The following TMEM132B variants were observed in gnomAD, a reference collection of about 807,000 sequenced individuals.
The protein encoded by TMEM132B is transmembrane protein 132B.
TMEM132B carries 18 observed loss-of-function variants against 90.8 expected under a neutral mutation model. The observed-to-expected ratio is 0.20, with a 90% confidence interval of 0.14 to 0.29. The LOEUF is 0.29. Among genes scored for constraint, TMEM132B ranks in the 10% least tolerant of loss-of-function variants. The probability of loss-of-function intolerance (pLI) is 1.00; values close to 1 mark genes in which losing one functional copy is unlikely to be tolerated. For synonymous variants in TMEM132B, 504 were observed against 523.3 expected (o/e 0.96, Z 0.50); for missense variants, 1,096 against 1,326.8 (o/e 0.83, Z 2.70).
intron 3 of TMEM132B, among the ~76,000 whole-genome samples, chr12:125,434,569 C>T (rs377173531): frequency 4.6e-5 from 7 of 152,280 alleles, no homozygotes; most frequent in South Asian, 2.1e-4. Flanking sequence ...CCTCAGTGGC[C>T]GCCCTGGCAG....
At chr12:125,327,224 C>T (rs1876610864) in intron 1 of TMEM132B, among the ~76,000 whole-genome samples, 1 of 152,190 alleles carries the variant, frequency 6.6e-6, no homozygotes, top group African/African-American at 2.4e-5. Context: ...CTCTCCTGAG[C>T]TCCAGCATCA....
chr12:125,539,028 TG>T (rs1398078903), intron 4 of TMEM132B, among the ~76,000 whole-genome samples: 1 of 152,184 alleles, frequency 6.6e-6, no homozygotes, highest in African/African-American at 2.4e-5. Context: ...CCTGGCCTCC[TG>T]CCTGGTCTCC....
chr12:125,469,549 G>A (rs1460401385), intron 3 of TMEM132B, among the ~76,000 whole-genome samples: 1 of 152,094 alleles, frequency 6.6e-6, no homozygotes, highest in African/African-American at 2.4e-5. Context: ...TTGATGATGA[G>A]GCCAGTGAGA....
intron 3 of TMEM132B, among the ~76,000 whole-genome samples, chr12:125,461,505 G>C (rs1407237994): frequency 6.6e-6 from 1 of 152,248 alleles, no homozygotes; most frequent in African/African-American, 2.4e-5. Flanking sequence ...AGTTGCTGCA[G>C]AGGGATGTGG....
chr12:125,241,687 C>T (rs1291528819), intron 1 of TMEM132B, among the ~76,000 whole-genome samples: 1 of 152,178 alleles, frequency 6.6e-6, no homozygotes, highest in Non-Finnish European at 1.5e-5. Flanking sequence ...TGGTTTTGGA[C>T]TTCTGGTCTC....
At chr12:125,466,259 C>T (rs1027272865) in intron 3 of TMEM132B, among the ~76,000 whole-genome samples, 1 of 152,158 alleles carries the variant, frequency 6.6e-6, no homozygotes, top group Non-Finnish European at 1.5e-5. Flanking sequence ...CATTCCTTGT[C>T]AGATAGGAGA....
intron 2 of TMEM132B, among the ~76,000 whole-genome samples, chr12:125,355,684 C>T (rs1455633674): frequency 6.6e-6 from 1 of 152,194 alleles, no homozygotes; most frequent in Non-Finnish European, 1.5e-5. Flanking sequence ...CTGTTTTAAT[C>T]ATGTCTCTTA....
chr12:125,592,179 G>A (rs951280621), intron 5 of TMEM132B, among the ~76,000 whole-genome samples: 17 of 152,150 alleles, frequency 1.1e-4, no homozygotes, highest in African/African-American at 3.9e-4. Context: ...ATCTTTATGT[G>A]TCTATCTTTT....
intron 1 of TMEM132B, among the ~76,000 whole-genome samples, chr12:125,192,024 T>C (rs952326171): frequency 3.3e-5 from 5 of 152,206 alleles, no homozygotes; most frequent in African/African-American, 1.2e-4. Context: ...AAGGGCTGAT[T>C]GGGGACACGT....
At chr12:125,576,037 A>G (rs537118696) in intron 4 of TMEM132B, among the ~76,000 whole-genome samples, 6 of 152,222 alleles carry the variant, frequency 3.9e-5, no homozygotes, top group African/African-American at 1.4e-4. Context: ...TTTTGATAGC[A>G]ATTACATTGA....
chr12:125,342,315 G>T (rs1451085986), intron 1 of TMEM132B, among the ~76,000 whole-genome samples: 1 of 152,192 alleles, frequency 6.6e-6, no homozygotes, highest in Admixed American at 6.5e-5. Context: ...CATAGAGCCA[G>T]TTTTCCAGGA....
At chr12:125,470,327 G>A (rs1020915013) in intron 3 of TMEM132B, among the ~76,000 whole-genome samples, 1 of 152,222 alleles carries the variant, frequency 6.6e-6, no homozygotes, top group African/African-American at 2.4e-5. Context: ...GGAAAGACTT[G>A]TCTACTACAG....
At chr12:125,472,311 G>T (rs541095934) in intron 3 of TMEM132B, among the ~76,000 whole-genome samples, 1 of 152,306 alleles carries the variant, frequency 6.6e-6, no homozygotes, top group African/African-American at 2.4e-5. Context: ...CTGACTTCTT[G>T]TTGTGATAAT....
intron 1 of TMEM132B, among the ~76,000 whole-genome samples, chr12:125,283,750 A>G (rs1289542813): frequency 6.6e-6 from 1 of 152,158 alleles, no homozygotes; most frequent in African/African-American, 2.4e-5. Context: ...TTCCACCTCA[A>G]AGGGAGATAA....
At chr12:125,616,349 G>C (rs1885986613) in intron 5 of TMEM132B, among the ~76,000 whole-genome samples, 1 of 152,092 alleles carries the variant, frequency 6.6e-6, no homozygotes, top group Non-Finnish European at 1.5e-5. Flanking sequence ...AAAAATGGAG[G>C]CTTGGACTAT....
chr12:125,475,692 A>C (rs1881856843), intron 3 of TMEM132B, among the ~76,000 whole-genome samples: 1 of 152,198 alleles, frequency 6.6e-6, no homozygotes, highest in Admixed American at 6.5e-5. Flanking sequence ...CTCAGCTTGC[A>C]CATGGCCTGT....
At chr12:125,479,816 C>T (rs1467388421) in intron 3 of TMEM132B, among the ~76,000 whole-genome samples, 4 of 152,206 alleles carry the variant, frequency 2.6e-5, no homozygotes, top group Non-Finnish European at 4.4e-5. Flanking sequence ...TTCTTCTCAG[C>T]ACCACATCTC....
At chr12:125,583,090 C>G (rs192834687) in intron 4 of TMEM132B, among the ~76,000 whole-genome samples, 75 of 152,234 alleles carry the variant, frequency 4.9e-4, no homozygotes, top group Admixed American at 8.5e-4. Context: ...AGAGAATGAA[C>G]ACAGGGAAAC....
chr12:125,207,921 T>A (rs946230821), intron 1 of TMEM132B, among the ~76,000 whole-genome samples: 6 of 152,244 alleles, frequency 3.9e-5, no homozygotes, highest in African/African-American at 1.2e-4. Context: ...CTGAATAACA[T>A]CCCACTAGGG....
Sources: allele counts gnomAD v4.1 joint callset (sites outside exome capture counted in the v4.1 genomes callset), GRCh38; gene constraint gnomAD v4.1.1; transcripts MANE v1.5; gene names NCBI Gene and HGNC (gene_info 2026-07-23, HGNC 2026-07-21).